The following TMEM170A variants were observed in gnomAD, a reference collection of about 807,000 sequenced individuals.
TMEM170A encodes transmembrane protein 170A, also known as transmembrane protein 170.
Under a neutral mutation model 12.8 loss-of-function variants are expected in TMEM170A, and 18 were observed. The ratio of observed to expected loss-of-function variants is 1.41; its 90% CI spans 0.97 to 2.09. TMEM170A has a LOEUF of 2.09. TMEM170A is among the 30% of genes most tolerant of loss of function. The pLI is 0.00. For missense variants in TMEM170A, 220 were observed against 179.9 expected (o/e 1.22, Z -1.28); for synonymous variants, 107 against 76.2 (o/e 1.40, Z -2.11).
At chr16:75,453,926 T>C (rs943247087) in intron 1 of TMEM170A, among the ~76,000 whole-genome samples, 1 of 152,208 alleles carries the variant, frequency 6.6e-6, no homozygotes, top group Non-Finnish European at 1.5e-5. Flanking sequence ...CCATGTAGCA[T>C]TTCCCCCCAG....
chr16:75,454,469 T>A (rs247448), intron 1 of TMEM170A, among the ~76,000 whole-genome samples: 1 of 151,418 alleles, frequency 6.6e-6, no homozygotes, highest in African/African-American at 2.4e-5. Context: ...TACACACACA[T>A]ACACACACAC....
At chr16:75,463,572 T>A (rs992960937) in intron 1 of TMEM170A, among the ~76,000 whole-genome samples, 5 of 152,176 alleles carry the variant, frequency 3.3e-5, no homozygotes, top group Non-Finnish European at 5.9e-5. Context: ...TCGTCCTCCT[T>A]CCCTCTGCTC....
chr16:75,449,735 G>A (rs2079649550), intron 2 of TMEM170A, among the ~76,000 whole-genome samples: 1 of 152,194 alleles, frequency 6.6e-6, no homozygotes, highest in Admixed American at 6.5e-5. Flanking sequence ...CAGCTCCACT[G>A]GCAATGCGTA....
At chr16:75,460,898 A>C (rs949460774) in intron 1 of TMEM170A, among the ~76,000 whole-genome samples, 2 of 152,302 alleles carry the variant, frequency 1.3e-5, no homozygotes, top group Admixed American at 6.5e-5. Flanking sequence ...ACTAGATCTA[A>C]TTTGACACTG....
chr16:75,447,013 C>T lies in TMEM170A; in HGVS notation c.*545G>A, dbSNP rs2079598333. On this transcript the variant is annotated 3_prime_UTR_variant, in exon 3 of 3. Coordinates refer to ENST00000561878, the MANE Select transcript of TMEM170A (RefSeq NM_145254.3). ...AACCAAAGCCACTACTTGAGTTATA[C>T]TTAAATTTTTTTTCCTGCTTTATTT... The T allele has an allele frequency of 6.6e-6, 1 of 152,118 alleles. No homozygotes were observed. The allele number at this position is 152,118 out of a possible 1,614,324, so 9.4% of individuals were successfully genotyped here.
At position 75,451,788 on chromosome 16, in the gene TMEM170A, T is replaced by C. The variant is rs2079689569; in HGVS notation, c.185A>G (p.His62Arg). Residue 62 changes from histidine to arginine, a missense_variant, in exon 2 of 3, where the codon CAT becomes CGT. Coordinates refer to ENST00000561878, the MANE Select transcript of TMEM170A (RefSeq NM_145254.3). Reference protein sequence around the residue: ...LWALVSSLFFHVPAGLLALFT... With the variant: ...LWALVSSLFFRVPAGLLALFT... Reference sequence around the variant, plus strand: ...GAGGGCCAGTAATCCAGCAGGGACATGAAAGAAGAGAGAAGACACCAGTGC... The same window carrying C: ...GAGGGCCAGTAATCCAGCAGGGACACGAAAGAAGAGAGAAGACACCAGTGC... 1 of 1,613,888 alleles carries C rather than the reference T, an allele frequency of 6.2e-7. No homozygotes were observed. The highest frequency in any genetic ancestry group is 8.5e-7 in the Non-Finnish European group (1 of 1,179,994).
intron 1 of TMEM170A, among the ~76,000 whole-genome samples, chr16:75,461,729 GC>G (rs1435352927): frequency 1.0e-3 from 157 of 152,292 alleles, no homozygotes; most frequent in African/African-American, 3.5e-3. Flanking sequence ...CCTCATACCT[GC>G]TCATAACACC....
chr16:75,455,547 T>C (rs2079777276), intron 1 of TMEM170A, among the ~76,000 whole-genome samples: 1 of 152,048 alleles, frequency 6.6e-6, no homozygotes. Context: ...AATTATTAGA[T>C]AGGCCAGGCA....
chr16:75,454,481 C>CACAA (rs1450192704), intron 1 of TMEM170A, among the ~76,000 whole-genome samples: 2 of 151,452 alleles, frequency 1.3e-5, no homozygotes, highest in Non-Finnish European at 2.9e-5. Flanking sequence ...CACACACACA[C>CACAA]AAAATTAGCC....
At chr16:75,457,283 G>A (rs1031163497) in intron 1 of TMEM170A, among the ~76,000 whole-genome samples, 12 of 152,226 alleles carry the variant, frequency 7.9e-5, no homozygotes, top group South Asian at 2.1e-4. Context: ...TAATATCCCA[G>A]AAACACACGA....
Position 75,446,670 on chromosome 16 carries a change from A to C in TMEM170A, c.*888T>G, listed in dbSNP as rs1463170486. On this transcript the variant is annotated 3_prime_UTR_variant, in exon 3 of 3. Coordinates refer to ENST00000561878, the MANE Select transcript of TMEM170A (RefSeq NM_145254.3). ...GGTCATTAGTATACCAAAGTCACTA[A>C]GAAAAACTATGACAGAATGCCTAAA... is the stretch of plus-strand genomic sequence containing the variant. 6.6e-6 allele frequency: 1 copy of C among 152,236 alleles called. No individual in the cohort carries two copies. Among genetic ancestry groups the C allele is most frequent in the African/African-American group, 2.4e-5 (1 of 41,466 alleles). The allele number at this position is 152,236 out of a possible 1,614,324, so 9.4% of individuals were successfully genotyped here. A position where few individuals can be genotyped will look rare whatever the true frequency, so the allele number is the denominator to read the frequency against.
rs890534119 is a variant in TMEM170A, at chr16:75,447,859, C to T, written c.305-171G>A. ...CCTATTCTTTCTGTGGACTACTCTA[C>T]ACTTTGAGTATTCATTGCATGGCTT... is the stretch of plus-strand genomic sequence containing the variant. On this transcript the variant is annotated intron_variant, in intron 2 of 2. Transcript: ENST00000561878. 3.9e-5 allele frequency among the ~76,000 whole-genome samples: 6 copies of T among 152,206 alleles called. No homozygotes were observed. In the East Asian group the frequency reaches 1.2e-3, roughly 29 times the overall value.
chr16:75,445,563 C>G lies in TMEM170A; in HGVS notation c.*1995G>C, dbSNP rs1267510208. On this transcript the variant is annotated 3_prime_UTR_variant, in exon 3 of 3. Transcript: ENST00000561878. ...CCTCCCACATCGACCTCCCAAAGTG[C>G]TGGGATTATAGGTGTGAGCCACTGC... The G allele has an allele frequency of 6.6e-6, 1 of 152,282 alleles. No individual in the cohort carries two copies. The highest frequency in any genetic ancestry group is 1.9e-4 in the East Asian group (1 of 5,194). The allele number at this position is 152,282 out of a possible 1,614,324, so 9.4% of individuals were successfully genotyped here.
intron 2 of TMEM170A, among the ~76,000 whole-genome samples, chr16:75,448,053 C>A (rs973764528): frequency 7.9e-5 from 12 of 152,210 alleles, no homozygotes; most frequent in Admixed American, 5.2e-4. Flanking sequence ...CATGCCTAGC[C>A]TTCAACAGGG....
intron 2 of TMEM170A, 54 bp from the exon 3 acceptor site, chr16:75,447,742 C>G: frequency 6.5e-7 from 1 of 1,545,702 alleles, no homozygotes; most frequent in South Asian, 1.2e-5. Context: ...GGTTAACAAA[C>G]TCACGAAAAT....
intron 2 of TMEM170A, among the ~76,000 whole-genome samples, chr16:75,449,666 A>C (rs1018085450): frequency 1.3e-5 from 2 of 152,216 alleles, no homozygotes; most frequent in Non-Finnish European, 2.9e-5. Context: ...TTTAACAAGA[A>C]GAAAGAACAA....
intron 1 of TMEM170A, among the ~76,000 whole-genome samples, chr16:75,454,193 A>G (rs1244349957): frequency 7.5e-6 from 1 of 133,990 alleles, no homozygotes; most frequent in African/African-American, 2.5e-5. Context: ...ATGGAGAGGC[A>G]CCTCTGGCCT....
intron 1 of TMEM170A, among the ~76,000 whole-genome samples, chr16:75,456,408 C>G (rs1234586462): frequency 1.3e-5 from 2 of 151,954 alleles, no homozygotes; most frequent in African/African-American, 4.8e-5. Flanking sequence ...GCCAACACGG[C>G]GAAACCGTCT....
intron 1 of TMEM170A, among the ~76,000 whole-genome samples, chr16:75,460,370 A>G (rs754341381): frequency 7.9e-5 from 12 of 152,178 alleles, no homozygotes; most frequent in Non-Finnish European, 1.8e-4. Flanking sequence ...ATTCCCCAGT[A>G]GAGCCCTCCA....
Sources: allele counts gnomAD v4.1 joint callset (sites outside exome capture counted in the v4.1 genomes callset), GRCh38; gene constraint gnomAD v4.1.1; transcripts MANE v1.5; gene names NCBI Gene and HGNC (gene_info 2026-07-23, HGNC 2026-07-21).